The following FNIP2 variants were observed in gnomAD, a reference collection of about 807,000 sequenced individuals.
The protein encoded by FNIP2 is folliculin-interacting protein 2.
In FNIP2, 32 loss-of-function variants were observed where a neutral mutation model predicts 108.7. That is an observed-to-expected ratio of 0.29 (90% confidence interval 0.22 to 0.40). The LOEUF is 0.40. Among genes scored for constraint, FNIP2 ranks in the 10% least tolerant of loss-of-function variants. FNIP2 has a pLI of 1.00. For synonymous variants in FNIP2, 480 were observed against 496.7 expected (o/e 0.97, Z 0.45); for missense variants, 1,202 against 1,381.6 (o/e 0.87, Z 2.06).
chr4:158,834,055 G>C (rs1778637470), intron 6 of FNIP2: 1 of 318,028 alleles, frequency 3.1e-6, no homozygotes, highest in Admixed American at 4.9e-5. Flanking sequence ...CGAAAATTCT[G>C]CCAATGAACC....
intron 16 of FNIP2, among the ~76,000 whole-genome samples, chr4:158,899,683 G>A (rs1355612867): frequency 1.3e-5 from 2 of 152,144 alleles, no homozygotes; most frequent in Non-Finnish European, 2.9e-5. Context: ...ATTTCTGTGG[G>A]ATCAGTGGTG....
intron 14 of FNIP2, among the ~76,000 whole-genome samples, chr4:158,886,564 A>G (rs1042737689): frequency 1.6e-4 from 24 of 152,366 alleles, no homozygotes; most frequent in African/African-American, 5.0e-4. Flanking sequence ...GCGATAGGGC[A>G]GTGCTTTTCT....
intron 1 of FNIP2, among the ~76,000 whole-genome samples, chr4:158,782,305 GT>G (rs1419731679): frequency 6.6e-6 from 1 of 152,152 alleles, no homozygotes; most frequent in Admixed American, 6.5e-5. Context: ...ATATCAGCAA[GT>G]AAAACATACG....
chr4:158,844,975 G>A (rs1023905713), intron 7 of FNIP2, among the ~76,000 whole-genome samples: 2 of 152,202 alleles, frequency 1.3e-5, no homozygotes, highest in Admixed American at 6.5e-5. Flanking sequence ...TAGATAGGAG[G>A]GTTGGGACAA....
chr4:158,861,540 G>A lies in FNIP2; in HGVS notation c.1295+52G>A, dbSNP rs1278733635. 4.3e-6 allele frequency: 7 copies of A among 1,613,482 alleles called. No homozygotes were observed. In the South Asian group the frequency reaches 5.5e-5, roughly 13 times the overall value. On this transcript the variant is annotated intron_variant, in intron 11 of 16. Transcript: ENST00000264433. ...TATGCAAATCTCATGGCCAATGTGT[G>A]TACTGCATAGGATGTGCCTCTTTCT...
Position 158,869,368 on chromosome 4 carries a change from A to C in FNIP2, c.2732A>C (p.Asp911Ala), listed in dbSNP as rs1016367414. The stretch of plus-strand genomic sequence containing the variant: ...GAAGCCTGCGCTTCAGCCATGCTAG[A>C]TCTGGGTCACGGTGGTGACAGGACT... ...DDEACASAML[D>A]LGHGGDRTGG... Residue 911 changes from aspartate (D) to alanine (A), a missense_variant, in exon 13 of 17, where the codon GAT (aspartate) becomes GCT (alanine). By Grantham distance (126) the Asp-to-Ala change is moderately radical. This residue lies in a region of FNIP2 where 878 missense variants were observed against 990.3 expected (regional missense o/e 0.89). Coordinates refer to ENST00000264433, the MANE Select transcript of FNIP2 (RefSeq NM_020840.3). The C allele has an allele frequency of 1.2e-5, 20 of 1,612,084 alleles. No homozygotes were observed. Among genetic ancestry groups the C allele is most frequent in the Non-Finnish European group, 1.5e-5 (18 of 1,179,232 alleles).
In FNIP2 at chr4:158,860,500, A is replaced by G. The variant is rs540732375; in HGVS notation, c.1148+834A>G. On this transcript the variant is annotated intron_variant, in intron 10 of 16. Coordinates refer to ENST00000264433, the MANE Select transcript of FNIP2 (RefSeq NM_020840.3). Reference sequence around the variant, plus strand: ...TGGTGATTGCTAAGACTTAAGTCATATATTTGAGAATGACATAAAGTTGTG... The same window carrying G: ...TGGTGATTGCTAAGACTTAAGTCATGTATTTGAGAATGACATAAAGTTGTG... Among the ~76,000 whole-genome samples the G allele has an allele frequency of 4.6e-5, 7 of 152,272 alleles. No individual in the cohort carries two copies. The South Asian group carries it at 1.5e-3, about 32-fold the overall frequency.
intron 1 of FNIP2, among the ~76,000 whole-genome samples, chr4:158,825,657 C>T (rs983002634): frequency 1.4e-4 from 22 of 152,252 alleles, no homozygotes; most frequent in African/African-American, 4.8e-4. Context: ...GAAGCTTTCT[C>T]TCCAGTGATT....
At chr4:158,788,999 A>G (rs918843054) in intron 1 of FNIP2, among the ~76,000 whole-genome samples, 1 of 152,164 alleles carries the variant, frequency 6.6e-6, no homozygotes, top group Non-Finnish European at 1.5e-5. Context: ...ATGAGAGTCC[A>G]TTTTTTCCAA....
intron 1 of FNIP2, among the ~76,000 whole-genome samples, chr4:158,790,691 G>C (rs1312629891): frequency 6.6e-6 from 1 of 152,158 alleles, no homozygotes; most frequent in Non-Finnish European, 1.5e-5. Context: ...AAGCTGCAGT[G>C]ATCTGTGATT....
chr4:158,797,133 T>TA (rs1776614787), intron 1 of FNIP2, among the ~76,000 whole-genome samples: 1 of 152,218 alleles, frequency 6.6e-6, no homozygotes, highest in Non-Finnish European at 1.5e-5. Context: ...TAGAGCACTT[T>TA]AAGAGTCTTT....
chr4:158,786,682 C>T (rs1578822518), intron 1 of FNIP2, among the ~76,000 whole-genome samples: 2 of 152,202 alleles, frequency 1.3e-5, no homozygotes, highest in East Asian at 1.9e-4. Flanking sequence ...AAAAACAGCT[C>T]GGTTTGGGAA....
chr4:158,855,733 A>G (rs919398222), intron 8 of FNIP2, among the ~76,000 whole-genome samples: 5 of 152,222 alleles, frequency 3.3e-5, no homozygotes, highest in Non-Finnish European at 7.3e-5. Context: ...GGCGTGAGCC[A>G]CTGCACCCGG....
chr4:158,833,219 C>T (rs1046379659), intron 5 of FNIP2, among the ~76,000 whole-genome samples: 4 of 152,016 alleles, frequency 2.6e-5, no homozygotes, highest in Non-Finnish European at 5.9e-5. Flanking sequence ...AACAGTATCT[C>T]GGGTGTCAGT....
chr4:158,833,683 T>A, intron 6 of FNIP2, 55 bp downstream of exon 6: 1 of 1,505,366 alleles, frequency 6.6e-7, no homozygotes, highest in Non-Finnish European at 9.2e-7. Flanking sequence ...ATTGTGGGTG[T>A]GTGTTTTGCT....
Position 158,898,645 on chromosome 4 carries a change from T to C in FNIP2, c.3266+2780T>C, listed in dbSNP as rs146604290. Among the ~76,000 whole-genome samples, 171 of 152,302 alleles carry C rather than the reference T, an allele frequency of 1.1e-3. 4 individuals carry two copies. In the East Asian group the frequency reaches 0.03, roughly 27 times the overall value. On this transcript the variant is annotated intron_variant, in intron 16 of 16. Coordinates refer to ENST00000264433, the MANE Select transcript of FNIP2 (RefSeq NM_020840.3). Reference sequence around the variant, plus strand: ...TGTGATTTGGCTCTCTGTCTGTTATTGGTGTATAGGAACGCATGTGATTTT... The same window carrying C: ...TGTGATTTGGCTCTCTGTCTGTTATCGGTGTATAGGAACGCATGTGATTTT...
chr4:158,837,801 C>A (rs951381174), intron 7 of FNIP2, among the ~76,000 whole-genome samples: 1 of 152,162 alleles, frequency 6.6e-6, no homozygotes, highest in Non-Finnish European at 1.5e-5. Context: ...GGTAGTTTGA[C>A]TTCTATTCTG....
intron 7 of FNIP2, among the ~76,000 whole-genome samples, chr4:158,848,754 G>A (rs549772792): frequency 3.3e-5 from 5 of 152,258 alleles, no homozygotes; most frequent in Non-Finnish European, 7.3e-5. Flanking sequence ...AATCCTATCA[G>A]ATATATTTAA....
At chr4:158,882,062 C>T (rs1333520496) in intron 14 of FNIP2, among the ~76,000 whole-genome samples, 1 of 152,048 alleles carries the variant, frequency 6.6e-6, no homozygotes, top group East Asian at 1.9e-4. Flanking sequence ...TGGGGAGTGC[C>T]TCTGCCCCAC....
Sources: allele counts gnomAD v4.1 joint callset (sites outside exome capture counted in the v4.1 genomes callset), GRCh38; gene constraint gnomAD v4.1.1; regional missense constraint gnomAD v4.1.1; transcripts MANE v1.5; gene names NCBI Gene and HGNC (gene_info 2026-07-23, HGNC 2026-07-21).